Variants in OXCT1 observed in about 807,000 individuals in gnomAD.
OXCT1 encodes the protein succinyl-CoA:3-ketoacid coenzyme A transferase 1, mitochondrial.
In OXCT1, 27 loss-of-function variants were observed where a neutral mutation model predicts 69.6. The ratio of observed to expected loss-of-function variants is 0.39; its 90% confidence interval spans 0.29 to 0.54. The LOEUF (loss-of-function observed/expected upper bound fraction) is 0.54, where lower values mean the gene tolerates loss of function less well. Ranked by LOEUF, OXCT1 falls within the 20% of genes least tolerant of loss-of-function variation. The pLI is 0.72. For synonymous variants in OXCT1, 202 were observed against 217.8 expected (o/e 0.93, Z 0.64); for missense variants, 437 against 650.2 (o/e 0.67, Z 3.57).
In OXCT1 at chr5:41,793,786, G is replaced by A. The variant is rs536506043; in HGVS notation, c.1248+217C>T. Among the ~76,000 whole-genome samples the A allele has an allele frequency of 4.6e-5, 7 of 151,872 alleles. No individual in the cohort carries two copies. The East Asian group carries it at 5.8e-4, about 13-fold the overall frequency. ...TGGTTTCTTCTAAGCAAGAGGTTTC[G>A]GCTCTGACCTTGCCTACTTTTAGTC... On this transcript the variant is annotated intron_variant, in intron 13 of 16. Coordinates refer to ENST00000196371, the MANE Select transcript of OXCT1 (RefSeq NM_000436.4).
chr5:41,823,050 T>C (rs572645770), intron 7 of OXCT1, among the ~76,000 whole-genome samples: 1 of 152,336 alleles, frequency 6.6e-6, no homozygotes, highest in Admixed American at 6.5e-5. Flanking sequence ...ATCTTTTTCA[T>C]ACAATTCTTT....
chr5:41,807,510 T>C, intron 7 of OXCT1, 72 bp from the exon 8 acceptor site: 1 of 834,542 alleles, frequency 1.2e-6, no homozygotes, highest in East Asian at 2.5e-5. Context: ...TTAAAAAGTA[T>C]ACACAACTTC....
intron 13 of OXCT1, among the ~76,000 whole-genome samples, chr5:41,770,651 T>A (rs1744834273): frequency 1.3e-5 from 2 of 152,190 alleles, no homozygotes; most frequent in African/African-American, 4.8e-5. Flanking sequence ...CCTCTCAATG[T>A]TTCTGAGGCC....
intron 1 of OXCT1, among the ~76,000 whole-genome samples, chr5:41,868,332 T>C (rs1750098650): frequency 6.6e-6 from 1 of 152,200 alleles, no homozygotes; most frequent in African/African-American, 2.4e-5. Flanking sequence ...GGCATAAATA[T>C]GGTCTCTGCC....
intron 7 of OXCT1, among the ~76,000 whole-genome samples, chr5:41,835,992 G>C (rs566975077): frequency 1.3e-5 from 2 of 152,282 alleles, no homozygotes; most frequent in East Asian, 3.9e-4. Flanking sequence ...TAGATGGTAG[G>C]TTATGCACAC....
chr5:41,819,429 A>G (rs11744516), intron 7 of OXCT1, among the ~76,000 whole-genome samples: 33,706 of 151,798 alleles, frequency 0.22, 3,859 homozygotes, highest in Middle Eastern at 0.3. Flanking sequence ...GGAGTGCAGC[A>G]GCAGGATCTC....
intron 9 of OXCT1, among the ~76,000 whole-genome samples, chr5:41,803,753 C>T (rs1746532131): frequency 6.6e-6 from 1 of 151,984 alleles, no homozygotes; most frequent in African/African-American, 2.4e-5. Context: ...TACAATTGAG[C>T]TCATCGATAA....
At chr5:41,777,394 C>A (rs773981250) in intron 13 of OXCT1, among the ~76,000 whole-genome samples, 1 of 151,990 alleles carries the variant, frequency 6.6e-6, no homozygotes, top group Non-Finnish European at 1.5e-5. Flanking sequence ...CCAGCCTGGG[C>A]GACAAAGTGA....
intron 13 of OXCT1, among the ~76,000 whole-genome samples, chr5:41,771,209 A>C (rs1744855912): frequency 6.6e-6 from 1 of 152,210 alleles, no homozygotes; most frequent in Non-Finnish European, 1.5e-5. Context: ...TGTAAATACC[A>C]TTCAAGAGGG....
At chr5:41,811,385 G>A (rs973162703) in intron 7 of OXCT1, among the ~76,000 whole-genome samples, 3 of 151,858 alleles carry the variant, frequency 2.0e-5, no homozygotes, top group Non-Finnish European at 1.5e-5. Flanking sequence ...TATGTTATAC[G>A]AATATGTCAA....
intron 7 of OXCT1, among the ~76,000 whole-genome samples, chr5:41,817,028 C>A (rs182896972): frequency 2.6e-5 from 4 of 152,090 alleles, no homozygotes; most frequent in Non-Finnish European, 4.4e-5. Flanking sequence ...TAAAGCTGAT[C>A]GAGGTCCCAA....
chr5:41,753,343 G>A (rs1353872719), intron 14 of OXCT1, among the ~76,000 whole-genome samples: 5 of 150,786 alleles, frequency 3.3e-5, no homozygotes, highest in African/African-American at 7.3e-5. Flanking sequence ...AGACACACAC[G>A]TGTGCACGTA....
intron 7 of OXCT1, among the ~76,000 whole-genome samples, chr5:41,837,336 T>C (rs1478476817): frequency 6.6e-6 from 1 of 151,832 alleles, no homozygotes; most frequent in Non-Finnish European, 1.5e-5. Context: ...GACTATGTTA[T>C]ATAGGGTGTA....
At chr5:41,864,029 A>G (rs1180354391) in intron 1 of OXCT1, among the ~76,000 whole-genome samples, 1 of 152,222 alleles carries the variant, frequency 6.6e-6, no homozygotes, top group Non-Finnish European at 1.5e-5. Context: ...TCTACAAGGA[A>G]GGTAAGTCTA....
chr5:41,790,087 T>G (rs1745843113), intron 13 of OXCT1, among the ~76,000 whole-genome samples: 1 of 152,148 alleles, frequency 6.6e-6, no homozygotes, highest in Admixed American at 6.5e-5. Flanking sequence ...AGTGTCCCAT[T>G]CTTTCTTGCC....
At chr5:41,742,754 T>A (rs1303504530) in intron 15 of OXCT1, among the ~76,000 whole-genome samples, 3 of 152,156 alleles carry the variant, frequency 2.0e-5, no homozygotes, top group African/African-American at 7.2e-5. Flanking sequence ...TTGTGACAGT[T>A]TGATCAGAAT....
chr5:41,846,135 T>TTTA lies in OXCT1; in HGVS notation c.565-3357_565-3355dup, dbSNP rs539259946. On this transcript the variant is annotated intron_variant, in intron 5 of 16. Transcript: ENST00000196371. ...ATGTATGTATGTATGTATTTATTTA[T>TTTA]TTATTATTATTATACTTTAAGTTTT... 1.6e-3 allele frequency among the ~76,000 whole-genome samples: 246 copies of TTTA among 151,870 alleles called. 1 individual carries two copies. Among genetic ancestry groups the TTTA allele is most frequent in the Non-Finnish European group, 2.7e-3 (183 of 67,914 alleles).
At chr5:41,780,860 T>C (rs964920401) in intron 13 of OXCT1, among the ~76,000 whole-genome samples, 13 of 152,174 alleles carry the variant, frequency 8.5e-5, no homozygotes, top group African/African-American at 3.1e-4. Flanking sequence ...AACCAAAATA[T>C]TTCATGTTTC....
Position 41,733,268 on chromosome 5 carries a change from C to T in OXCT1, c.1522-1498G>A, listed in dbSNP as rs549581434. On this transcript the variant is annotated intron_variant, in intron 16 of 16. Transcript: ENST00000196371. ...ACTTTTTTTTTTTTTTTTTTTGAGACGGAGTTTTGCTCTTGTTGCCCAGGC... is the reference window on the plus strand; with the variant it reads ...ACTTTTTTTTTTTTTTTTTTTGAGATGGAGTTTTGCTCTTGTTGCCCAGGC... Among the ~76,000 whole-genome samples the T allele has an allele frequency of 2.1e-4, 26 of 125,184 alleles. No homozygotes were observed. The East Asian group carries it at 4.2e-3, about 20-fold the overall frequency. The allele number at this position is 125,184 out of a possible 152,430, so 82.1% of individuals were successfully genotyped here. A position where few individuals can be genotyped will look rare whatever the true frequency, so the allele number is the denominator to read the frequency against.
Sources: gnomAD v4.1 joint callset for allele counts (sites outside exome capture counted in the v4.1 genomes callset) on GRCh38, gnomAD v4.1.1 for gene constraint, MANE v1.5 for transcripts, NCBI Gene and HGNC (gene_info 2026-07-23, HGNC 2026-07-21) for gene names.